Variants in PPFIA2 observed in about 807,000 individuals in gnomAD.
PPFIA2 encodes the protein liprin-alpha-2.
Under a neutral mutation model 175.5 loss-of-function variants are expected in PPFIA2, and 46 were observed. The ratio of observed to expected loss-of-function variants is 0.26; its 90% CI spans 0.21 to 0.34. PPFIA2 has a LOEUF of 0.34. Ranked by LOEUF, PPFIA2 falls within the 10% of genes least tolerant of loss-of-function variation. The probability of loss-of-function intolerance (pLI) is 1.00; values close to 1 mark genes in which losing one functional copy is unlikely to be tolerated. For synonymous variants in PPFIA2, 568 were observed against 511.4 expected (o/e 1.11, Z -1.49); for missense variants, 1,179 against 1,506.1 (o/e 0.78, Z 3.60).
At chr12:81,479,282 A>G (rs1331858565) in intron 4 of PPFIA2, among the ~76,000 whole-genome samples, 1 of 152,008 alleles carries the variant, frequency 6.6e-6, no homozygotes, top group Non-Finnish European at 1.5e-5. Flanking sequence ...TTGCTTGGTA[A>G]ATATTCCTCC....
intron 4 of PPFIA2, among the ~76,000 whole-genome samples, chr12:81,608,659 C>G (rs1282674222): frequency 6.6e-6 from 1 of 151,810 alleles, no homozygotes; most frequent in Admixed American, 6.6e-5. Flanking sequence ...TCATTTCTGA[C>G]TGTACTTATT....
intron 4 of PPFIA2, among the ~76,000 whole-genome samples, chr12:81,627,826 C>T (rs1922412): frequency 0.062 from 9,489 of 151,902 alleles, 405 homozygotes; most frequent in East Asian, 0.25. Flanking sequence ...CATTGTATGT[C>T]TTTTTTTCCA....
intron 4 of PPFIA2, among the ~76,000 whole-genome samples, chr12:81,511,147 A>C (rs1309155918): frequency 6.6e-6 from 1 of 152,108 alleles, no homozygotes; most frequent in East Asian, 1.9e-4. Context: ...ACTCCCTAGC[A>C]TACAGAGATG....
intron 4 of PPFIA2, among the ~76,000 whole-genome samples, chr12:81,604,327 T>A (rs554887572): frequency 6.6e-6 from 1 of 151,722 alleles, no homozygotes. Flanking sequence ...TGTATTTGTA[T>A]TTACAAACAG....
At chr12:81,554,709 G>A (rs1009502744) in intron 4 of PPFIA2, among the ~76,000 whole-genome samples, 8 of 152,024 alleles carry the variant, frequency 5.3e-5, no homozygotes, top group Admixed American at 2.0e-4. Flanking sequence ...GAAGAACAAC[G>A]ATTGTATTCC....
chr12:81,392,056 T>A (rs1165197637), intron 8 of PPFIA2, among the ~76,000 whole-genome samples: 1 of 151,866 alleles, frequency 6.6e-6, no homozygotes. Context: ...TTCGATGGAT[T>A]CCTCAGTCCT....
At chr12:81,754,763 T>G (rs1320398182) in intron 2 of PPFIA2, among the ~76,000 whole-genome samples, 7 of 152,212 alleles carry the variant, frequency 4.6e-5, no homozygotes, top group Non-Finnish European at 1.0e-4. Context: ...TGAGTATTTA[T>G]TTTATATAAT....
intron 4 of PPFIA2, among the ~76,000 whole-genome samples, chr12:81,576,889 T>A (rs2073650443): frequency 6.6e-6 from 1 of 151,840 alleles, no homozygotes; most frequent in Admixed American, 6.6e-5. Context: ...TAATTTCAAA[T>A]GCTGTTAATC....
At chr12:81,284,192 A>T (rs1458062520) in intron 25 of PPFIA2, 49 bp downstream of exon 25, 3 of 1,390,556 alleles carry the variant, frequency 2.2e-6, no homozygotes, top group Non-Finnish European at 2.0e-6. Context: ...TCATCCAAAG[A>T]GCAGCAAAGT....
chr12:81,333,896 C>T (rs994843541), intron 21 of PPFIA2, among the ~76,000 whole-genome samples: 10 of 152,096 alleles, frequency 6.6e-5, no homozygotes, highest in Admixed American at 2.0e-4. Context: ...TCCCAGGTGA[C>T]GTTACTCCAC....
At chr12:81,504,707 C>A (rs1026089963) in intron 4 of PPFIA2, among the ~76,000 whole-genome samples, 2 of 152,094 alleles carry the variant, frequency 1.3e-5, no homozygotes, top group African/African-American at 2.4e-5. Context: ...ATGTTTATTG[C>A]AACACTATTC....
At chr12:81,537,365 T>C (rs191842321) in intron 4 of PPFIA2, among the ~76,000 whole-genome samples, 1 of 151,670 alleles carries the variant, frequency 6.6e-6, no homozygotes, top group East Asian at 1.9e-4. Flanking sequence ...GAGACATAAA[T>C]AAAAGAGGAG....
rs554300427 is a variant in PPFIA2 at position 81,351,299 on chromosome 12, A to T, written c.1994+1820T>A. 9.2e-5 allele frequency among the ~76,000 whole-genome samples: 14 copies of T among 152,262 alleles called. No individual in the cohort carries two copies. The East Asian group carries it at 1.5e-3, about 17-fold the overall frequency. On this transcript the variant is annotated intron_variant, in intron 17 of 32. Transcript: ENST00000549396. ...AAGATATTTGTTAGGCTATAATATT[A>T]AATTATGTCTCACAGATATAGTAAG...
At chr12:81,325,307 T>C (rs1482640184) in intron 22 of PPFIA2, among the ~76,000 whole-genome samples, 3 of 152,046 alleles carry the variant, frequency 2.0e-5, no homozygotes, top group Non-Finnish European at 4.4e-5. Flanking sequence ...AAAGATACAC[T>C]ATCAATTTCC....
At chr12:81,467,464 G>T (rs539620698) in intron 4 of PPFIA2, among the ~76,000 whole-genome samples, 1 of 152,134 alleles carries the variant, frequency 6.6e-6, no homozygotes, top group Non-Finnish European at 1.5e-5. Flanking sequence ...CAAGGCGAGC[G>T]GATTACCTGA....
chr12:81,626,103 G>A lies in PPFIA2; in HGVS notation c.303+50688C>T, dbSNP rs868637731. The stretch of plus-strand genomic sequence containing the variant: ...ATTCCTTTTCTAAATTTGATTCATA[G>A]GTCTTCAAGTTATCAATTCATGCTG... On this transcript the variant is annotated intron_variant, in intron 4 of 32. Coordinates refer to ENST00000549396, the MANE Select transcript of PPFIA2 (RefSeq NM_003625.5). Among the ~76,000 whole-genome samples, 5 of 151,466 alleles carry A rather than the reference G, an allele frequency of 3.3e-5. 1 individual carries two copies. Among genetic ancestry groups the A allele is most frequent in the Middle Eastern group, 3.4e-3 (1 of 294 alleles).
At chr12:81,454,365 T>G (rs779956168) in intron 5 of PPFIA2, among the ~76,000 whole-genome samples, 6 of 152,218 alleles carry the variant, frequency 3.9e-5, no homozygotes, top group Non-Finnish European at 8.8e-5. Context: ...AAGGAAGTAG[T>G]GGACTCTCTG....
At position 81,358,153 on chromosome 12, in the gene PPFIA2, C is replaced by T. The variant is rs1297910630; in HGVS notation, c.1702G>A (p.Asp568Asn). Residue 568 changes from aspartate (D) to asparagine (N), a missense_variant, in exon 16 of 33, where the codon GAT (aspartate) becomes AAT (asparagine). Physicochemically the swap from Asp to Asn is conservative, Grantham distance 23. Coordinates refer to ENST00000549396, the MANE Select transcript of PPFIA2 (RefSeq NM_003625.5). ...SVGSLVDSQSDYRTTKVIRRP... is the reference protein window; with the variant it reads ...SVGSLVDSQSNYRTTKVIRRP... ...CTTATTACTTTAGTTGTTCTGTAAT[C>T]AGACTGGCTGTCCACTAGGGATCCC... 1 of 1,599,698 alleles carries T rather than the reference C, an allele frequency of 6.3e-7. No individual in the cohort carries two copies. Among genetic ancestry groups the T allele is most frequent in the Admixed American group, 1.7e-5 (1 of 58,512 alleles).
intron 22 of PPFIA2, chr12:81,311,910 T>C (rs933375412): frequency 1.9e-6 from 1 of 524,786 alleles, no homozygotes; most frequent in African/African-American, 1.9e-5. Context: ...AGAATGTCTT[T>C]TGACATGTGT....
Sources: gnomAD v4.1 joint callset for allele counts (sites outside exome capture counted in the v4.1 genomes callset) on GRCh38, gnomAD v4.1.1 for gene constraint, MANE v1.5 for transcripts, NCBI Gene and HGNC (gene_info 2026-07-23, HGNC 2026-07-21) for gene names.